The following ABCG8 variants were observed in gnomAD, a reference collection of about 807,000 sequenced individuals.
ABCG8 encodes the protein ATP binding cassette subfamily G member 8, also known as ATP-binding cassette sub-family G member 8.
In ABCG8, 81 loss-of-function variants were observed where a neutral mutation model predicts 71.3. The observed-to-expected ratio is 1.14, with a 90% CI of 0.95 to 1.37. The LOEUF (loss-of-function observed/expected upper bound fraction) is 1.37, where lower values mean the gene tolerates loss of function less well. Ranked by LOEUF, ABCG8 falls within the 40% of genes most tolerant of loss-of-function variation. The pLI is 0.00. For synonymous variants in ABCG8, 451 were observed against 354.7 expected (o/e 1.27, Z -3.05); for missense variants, 1,119 against 866.2 (o/e 1.29, Z -3.66).
chr2:43,867,991 C>T (rs1572857301), intron 6 of ABCG8, among the ~76,000 whole-genome samples: 1 of 151,350 alleles, frequency 6.6e-6, no homozygotes, highest in African/African-American at 2.4e-5. Context: ...GGATAGAATG[C>T]TCACTCTCTG....
At chr2:43,858,383 C>T (rs751858126) in intron 6 of ABCG8, among the ~76,000 whole-genome samples, 14 of 151,114 alleles carry the variant, frequency 9.3e-5, no homozygotes, top group Admixed American at 3.3e-4. Context: ...GAATTCTCAA[C>T]ATCTGGATAG....
At chr2:43,840,404 T>C (rs112153798) in intron 1 of ABCG8, among the ~76,000 whole-genome samples, 22 of 152,300 alleles carry the variant, frequency 1.4e-4, no homozygotes, top group African/African-American at 5.3e-4. Flanking sequence ...GGCTGACGAT[T>C]CAGCCACCAC....
At position 43,882,414 on chromosome 2, in the gene ABCG8, G is replaced by C. The variant is rs913045704; in HGVS notation, c.*4501G>C. The stretch of plus-strand genomic sequence containing the variant: ...CTTTCCTTTGGCCCAACCGGCCTTG[G>C]GGTCTGGAGCACCAAACAGGCCCTG... On this transcript the variant is annotated 3_prime_UTR_variant, in exon 13 of 13. Coordinates refer to ENST00000272286, the MANE Select transcript of ABCG8 (RefSeq NM_022437.3). 3 of 152,190 alleles carry C rather than the reference G, an allele frequency of 2.0e-5. No individual in the cohort carries two copies. The highest frequency in any genetic ancestry group is 6.5e-5 in the Admixed American group (1 of 15,280). 9.4% of individuals were successfully genotyped at this position (152,190 alleles called of 1,614,324 possible). A position where few individuals can be genotyped will look rare whatever the true frequency, so the allele number is the denominator to read the frequency against.
At chr2:43,875,790 C>T (rs1488652360) in intron 11 of ABCG8, among the ~76,000 whole-genome samples, 1 of 152,192 alleles carries the variant, frequency 6.6e-6, no homozygotes, top group African/African-American at 2.4e-5. Flanking sequence ...GTAACCTGGG[C>T]CCCTCCACAT....
Position 43,852,938 on chromosome 2 carries a change from G to A in ABCG8, c.964+70G>A, listed in dbSNP as rs1668979951. On this transcript the variant is annotated intron_variant, in intron 6 of 12. Transcript: ENST00000272286. ...TCCCCGATGCTTAAACCCTGCCCAA[G>A]CTTGCTGGAAAGATTCAGGGGAGAA... is the stretch of plus-strand genomic sequence containing the variant. The A allele has an allele frequency of 2.5e-6, 4 of 1,576,732 alleles. No individual in the cohort carries two copies. In the East Asian group the frequency reaches 6.7e-5, roughly 26 times the overall value.
At chr2:43,843,848 A>T (rs549212450) in intron 1 of ABCG8, among the ~76,000 whole-genome samples, 26 of 152,294 alleles carry the variant, frequency 1.7e-4, no homozygotes, top group African/African-American at 6.3e-4. Context: ...AATAACAACA[A>T]CATGATGATG....
intron 6 of ABCG8, among the ~76,000 whole-genome samples, chr2:43,870,011 C>T (rs577554262): frequency 6.6e-6 from 1 of 152,216 alleles, no homozygotes; most frequent in African/African-American, 2.4e-5. Context: ...AGAATTCTCA[C>T]CCTCTGGATA....
rs1235742329 is a variant in ABCG8 at position 43,875,395 on chromosome 2, T to C, written c.1738T>C (p.Leu580=). 3 of 1,614,056 alleles carry C rather than the reference T, an allele frequency of 1.9e-6. No homozygotes were observed. Among genetic ancestry groups the C allele is most frequent in the Admixed American group, 1.7e-5 (1 of 60,034 alleles). ...CCTCGCCGGGGGCTTCATGATAAAC[T>C]TGAGCAGCCTGTGGACAGGTAAGGC... ...FYLAGGFMIN[L]SSLWTVPAWI... Residue 580 remains leucine (L), a synonymous_variant, in exon 11 of 13, where the codon TTG becomes CTG. Coordinates refer to ENST00000272286, the MANE Select transcript of ABCG8 (RefSeq NM_022437.3).
chr2:43,861,871 T>A (rs1256347498), intron 6 of ABCG8, among the ~76,000 whole-genome samples: 1 of 151,504 alleles, frequency 6.6e-6, no homozygotes, highest in Non-Finnish European at 1.5e-5. Context: ...ATTCTCACCA[T>A]CTGCATTGAA....
intron 6 of ABCG8, among the ~76,000 whole-genome samples, chr2:43,856,323 A>G (rs1414644584): frequency 1.4e-5 from 2 of 147,752 alleles, no homozygotes; most frequent in Non-Finnish European, 3.0e-5. Flanking sequence ...TGTGGATAGA[A>G]CTCTCACTCC....
Position 43,839,009 on chromosome 2 carries a change from G to T in ABCG8, c.-45G>T. The T allele has an allele frequency of 6.5e-7, 1 of 1,534,194 alleles. No homozygotes were observed. Among genetic ancestry groups the T allele is most frequent in the African/African-American group, 1.4e-5 (1 of 72,794 alleles). ...ACACTGGCCCTGGCAGGCAGCAGCT[G>T]GGTCTAAGAGAGCTGCAGCCCAGGG... On this transcript the variant is annotated 5_prime_UTR_variant, in exon 1 of 13. Coordinates refer to ENST00000272286, the MANE Select transcript of ABCG8 (RefSeq NM_022437.3).
chr2:43,878,141 G>A lies in ABCG8; in HGVS notation c.*228G>A. On this transcript the variant is annotated 3_prime_UTR_variant, in exon 13 of 13. Transcript: ENST00000272286. ...TGGCAGGAGACTGCGATGACTGGGA[G>A]AAAACCTGCACTCGGTGGCACCTAC... The A allele has an allele frequency of 1.6e-6, 1 of 623,356 alleles. No homozygotes were observed. Among genetic ancestry groups the A allele is most frequent in the South Asian group, 1.9e-5 (1 of 53,390 alleles). 38.6% of individuals were successfully genotyped at this position (623,356 alleles called of 1,614,324 possible).
At chr2:43,849,619 C>G (rs1252389463) in intron 3 of ABCG8, among the ~76,000 whole-genome samples, 4 of 152,116 alleles carry the variant, frequency 2.6e-5, no homozygotes, top group Non-Finnish European at 5.9e-5. Context: ...CATTGGAAGG[C>G]TCCCCACCGC....
chr2:43,866,157 A>C (rs1196807407), intron 6 of ABCG8, among the ~76,000 whole-genome samples: 1 of 152,016 alleles, frequency 6.6e-6, no homozygotes, highest in Admixed American at 6.6e-5. Flanking sequence ...GAAAGCTGAA[A>C]CTGGATCCCT....
chr2:43,861,054 C>T (rs1371322487), intron 6 of ABCG8, among the ~76,000 whole-genome samples: 1 of 151,414 alleles, frequency 6.6e-6, no homozygotes, highest in African/African-American at 2.4e-5. Flanking sequence ...TTCTCACTCT[C>T]TGGATAGAAC....
Position 43,873,853 on chromosome 2 carries a change from G to T in ABCG8, c.1278G>T (p.Leu426=), listed in dbSNP as rs757262800. 1 of 1,614,092 alleles carries T rather than the reference G, an allele frequency of 6.2e-7. No homozygotes were observed. The highest frequency in any genetic ancestry group is 8.5e-7 in the Non-Finnish European group (1 of 1,180,032). The change falls in exon 9 of 13, where the codon CTG becomes CTT. Residue 426 remains leucine, a synonymous_variant. Coordinates refer to ENST00000272286, the MANE Select transcript of ABCG8 (RefSeq NM_022437.3). The part of the protein sequence containing the change: ...TLLIHGAEAC[L]MSMTIGFLYF... ...TCATCCATGGGGCGGAGGCCTGTCT[G>T]ATGTCAATGACCATCGGCTTCCTCT...
intron 6 of ABCG8, among the ~76,000 whole-genome samples, chr2:43,864,871 G>GATAGAACTCTCACTGTCTATCTGGGGGT: frequency 6.6e-6 from 1 of 151,688 alleles, no homozygotes; most frequent in Non-Finnish European, 1.5e-5. Flanking sequence ...TATCTGGACG[G>GATAGAACTCTCACTGTCTATCTGGGGGT]AATTCTCACT....
rs928965529 is a variant in ABCG8, at chr2:43,846,159, A to C, written c.170A>C (p.Asp57Ala). The C allele has an allele frequency of 5.6e-6, 9 of 1,613,242 alleles. No homozygotes were observed. Among genetic ancestry groups the C allele is most frequent in the Non-Finnish European group, 7.6e-6 (9 of 1,180,000 alleles). ...CCTTCTGATATCTCCCCACAGGTGGACCTGGCCTCTCAGGTCCCTTGGTTT... is the reference window on the plus strand; with the variant it reads ...CCTTCTGATATCTCCCCACAGGTGGCCCTGGCCTCTCAGGTCCCTTGGTTT... ...LEVRDLNYQV[D>A]LASQVPWFEQ... The change falls in exon 3 of 13, where the codon GAC becomes GCC. Residue 57 changes from aspartate to alanine, a missense_variant. Physicochemically the swap from Asp to Ala is moderately radical, Grantham distance 126. Coordinates refer to ENST00000272286, the MANE Select transcript of ABCG8 (RefSeq NM_022437.3).
At chr2:43,867,619 C>T (rs72798812) in intron 6 of ABCG8, among the ~76,000 whole-genome samples, 7,704 of 152,010 alleles carry the variant, frequency 0.051, 71 homozygotes, top group Middle Eastern at 0.1. Flanking sequence ...TTCTCAATCT[C>T]TGCATAGAAC....
Sources: allele counts gnomAD v4.1 joint callset (sites outside exome capture counted in the v4.1 genomes callset), GRCh38; gene constraint gnomAD v4.1.1; transcripts MANE v1.5; gene names NCBI Gene and HGNC (gene_info 2026-07-23, HGNC 2026-07-21).